The following ARMC10 variants were observed in gnomAD, a reference collection of about 807,000 sequenced individuals.
ARMC10 encodes the protein armadillo repeat-containing protein 10.
A neutral mutation model predicts 30.2 loss-of-function variants in ARMC10; 23 were observed. The observed-to-expected ratio is 0.76, with a 90% CI of 0.55 to 1.08. ARMC10 has a LOEUF of 1.08. Ranked by LOEUF, ARMC10 falls within the 50% of genes least tolerant of loss-of-function variation. The probability of loss-of-function intolerance (pLI) is 0.00; values close to 1 mark genes in which losing one functional copy is unlikely to be tolerated. For synonymous variants in ARMC10, 111 were observed against 164.4 expected, an observed-to-expected ratio of 0.68 and a Z score of 2.48; for missense variants, 303 against 413.7, an observed-to-expected ratio of 0.73 and a Z score of 2.32.
At chr7:103,092,714 C>A (rs770760530) in intron 5 of ARMC10, 61 bp downstream of exon 5, 4 of 1,269,038 alleles carry the variant, frequency 3.2e-6, no homozygotes, top group Non-Finnish European at 4.3e-6. Flanking sequence ...GGCCACCTAT[C>A]TTAAGTTGAT....
intron 4 of ARMC10, chr7:103,087,061 A>G: frequency 4.3e-6 from 2 of 466,362 alleles, no homozygotes; most frequent in Non-Finnish European, 6.5e-6. Flanking sequence ...CAAATAGTGA[A>G]TATAGTTGGC....
chr7:103,075,265 G>A lies in ARMC10; in HGVS notation c.-8G>A. On this transcript the variant is annotated 5_prime_UTR_variant, in exon 1 of 7. Transcript: ENST00000323716. ...GGCCCGGCGCTGCGGCTCTGCCGCG[G>A]CGGCAGCATGGGTGGCCCCCGGGGC... 8.3e-7 allele frequency: 1 copy of A among 1,198,608 alleles called. No individual in the cohort carries two copies. Among genetic ancestry groups the A allele is most frequent in the Non-Finnish European group, 1.0e-6 (1 of 966,414 alleles). 74.2% of individuals were successfully genotyped at this position (1,198,608 alleles called of 1,614,324 possible).
At chr7:103,090,817 G>A (rs1320805760) in intron 4 of ARMC10, among the ~76,000 whole-genome samples, 2 of 152,036 alleles carry the variant, frequency 1.3e-5, no homozygotes, top group Non-Finnish European at 2.9e-5. Flanking sequence ...GGGAATTTGA[G>A]GCTGCAGTGA....
rs1799709620 is a variant in ARMC10, at chr7:103,075,786, A to C, written c.149A>C (p.Glu50Ala). Reference sequence around the variant, plus strand: ...CAATCTCTGCTTGCAGGTGCCCTGGAAGAAGGGACGTCAGAGGGTCAGTTG... The same window carrying C: ...CAATCTCTGCTTGCAGGTGCCCTGGCAGAAGGGACGTCAGAGGGTCAGTTG... ...IRSSKSAGAL[E>A]EGTSEGQLCG... The change falls in exon 2 of 7, where the codon GAA (glutamate) becomes GCA (alanine). Residue 50 changes from glutamate to alanine, a missense_variant. Glu to Ala is a moderately radical substitution (Grantham distance 107). Transcript: ENST00000323716. The C allele has an allele frequency of 1.2e-6, 2 of 1,608,336 alleles. No individual in the cohort carries two copies. The highest frequency in any genetic ancestry group is 4.5e-5 in the East Asian group (2 of 44,564).
intron 4 of ARMC10, among the ~76,000 whole-genome samples, chr7:103,088,502 C>T (rs1278565808): frequency 6.6e-6 from 1 of 152,054 alleles, no homozygotes; most frequent in Middle Eastern, 3.2e-3. Context: ...ATATTGCCAG[C>T]CATAAAATAA....
intron 1 of ARMC10, among the ~76,000 whole-genome samples, 177 bp downstream of exon 1, chr7:103,075,588 G>C (rs755533393): frequency 2.6e-5 from 4 of 152,250 alleles, no homozygotes; most frequent in Non-Finnish European, 5.9e-5. Flanking sequence ...TGACTATACT[G>C]GTATGAAAAC....
At chr7:103,095,836 A>C (rs1801711065) in intron 5 of ARMC10, 1 of 152,110 alleles carries the variant, frequency 6.6e-6, no homozygotes, top group African/African-American at 2.4e-5. Flanking sequence ...TCGCAAGAAC[A>C]AAAAACCAAA....
chr7:103,085,344 A>G (rs1332654436), intron 3 of ARMC10, among the ~76,000 whole-genome samples: 1 of 151,766 alleles, frequency 6.6e-6, no homozygotes, highest in Non-Finnish European at 1.5e-5. Context: ...TTCTCTTTTA[A>G]TGCTAAGATC....
intron 2 of ARMC10, among the ~76,000 whole-genome samples, chr7:103,077,337 C>T (rs745802202): frequency 2.0e-5 from 3 of 151,648 alleles, no homozygotes; most frequent in Admixed American, 6.6e-5. Flanking sequence ...TGTATTAGTC[C>T]ATTTTCTGTT....
chr7:103,075,424 G>A lies in ARMC10; in HGVS notation c.139+13G>A, dbSNP rs1180744312. On this transcript the variant is annotated intron_variant, in intron 1 of 6. Transcript: ENST00000323716. ...TCGAAGTCCGCAGGTGGGACCCCGG[G>A]GTTTCCGGCAGGTGGGCGGGGACTG... 3.9e-6 allele frequency: 5 copies of A among 1,289,946 alleles called. No homozygotes were observed. The highest frequency in any genetic ancestry group is 4.9e-6 in the Non-Finnish European group (5 of 1,016,370). The allele number at this position is 1,289,946 out of a possible 1,614,324, so 79.9% of individuals were successfully genotyped here. A position where few individuals can be genotyped will look rare whatever the true frequency, so the allele number is the denominator to read the frequency against.
chr7:103,096,702 C>G (rs1479718862), intron 5 of ARMC10: 2 of 153,268 alleles, frequency 1.3e-5, no homozygotes, highest in Non-Finnish European at 2.9e-5. Flanking sequence ...GATGGGAAGG[C>G]TCAAGAGATC....
Position 103,086,745 on chromosome 7 carries a change from A to AAAATC in ARMC10, c.517_521dup (p.Ile175SerfsTer3), listed in dbSNP as rs1800895622. 1 of 1,591,512 alleles carries AAAATC rather than the reference A, an allele frequency of 6.3e-7. No homozygotes were observed. Among genetic ancestry groups the AAAATC allele is most frequent in the African/African-American group, 1.4e-5 (1 of 73,298 alleles). On this transcript the variant is annotated frameshift_variant, in exon 4 of 7. Coordinates refer to ENST00000323716, the MANE Select transcript of ARMC10 (RefSeq NM_031905.5). LOFTEE classifies it high-confidence loss of function. ...CTAAATAACCTGAGTGTGAATGTTG[A>AAAATC]AAATCAAATCAAGATAAAGGTAAGT... is the stretch of plus-strand genomic sequence containing the variant.
At position 103,083,695 on chromosome 7, in the gene ARMC10, T is replaced by A. The variant is rs1302339572; in HGVS notation, c.258T>A (p.Asp86Glu). The A allele has an allele frequency of 5.6e-6, 9 of 1,610,726 alleles. No individual in the cohort carries two copies. The highest frequency in any genetic ancestry group is 7.6e-6 in the Non-Finnish European group (9 of 1,178,616). Reference sequence around the variant, plus strand: ...CTTCTTATGCAGAAGACTTAACTGATGGTTCATATGATGATGTTCTAAATG... The same window carrying A: ...CTTCTTATGCAGAAGACTTAACTGAAGGTTCATATGATGATGTTCTAAATG... ...SKTSQPEDLTDGSYDDVLNAE... is the reference protein window; with the variant it reads ...SKTSQPEDLTEGSYDDVLNAE... The change falls in exon 3 of 7, where the codon GAT becomes GAA. Residue 86 changes from aspartate (D) to glutamate (E), a missense_variant. Around this residue, in one of 4 missense-constraint regions of ARMC10, gnomAD observed 170 missense variants for 207.2 expected, o/e 0.82. Coordinates refer to ENST00000323716, the MANE Select transcript of ARMC10 (RefSeq NM_031905.5).
intron 2 of ARMC10, among the ~76,000 whole-genome samples, chr7:103,082,252 C>G (rs1187644455): frequency 6.6e-6 from 1 of 152,156 alleles, no homozygotes. Context: ...TTGGCTTCCT[C>G]AGGGCATCAC....
chr7:103,085,606 C>CTTTTTTTTT (rs10581217), intron 3 of ARMC10, among the ~76,000 whole-genome samples: 3 of 130,582 alleles, frequency 2.3e-5, no homozygotes, highest in African/African-American at 8.5e-5. Flanking sequence ...CATTTCTCTT[C>CTTTTTTTTT]TTTTTTTTTT....
At chr7:103,082,619 T>A (rs1056012407) in intron 2 of ARMC10, among the ~76,000 whole-genome samples, 2 of 152,148 alleles carry the variant, frequency 1.3e-5, no homozygotes, top group Non-Finnish European at 2.9e-5. Flanking sequence ...GATGAGCTGC[T>A]ATGCCCAGCC....
chr7:103,090,402 C>G (rs771805114), intron 4 of ARMC10, among the ~76,000 whole-genome samples: 1 of 152,210 alleles, frequency 6.6e-6, no homozygotes, highest in Non-Finnish European at 1.5e-5. Flanking sequence ...TGGCTCACAC[C>G]TGTAATCCCA....
rs143050451 is a variant in ARMC10 at position 103,075,881 on chromosome 7, G to C, written c.244G>C (p.Glu82Gln). 1.6e-5 allele frequency: 25 copies of C among 1,590,886 alleles called. No individual in the cohort carries two copies. The highest frequency in any genetic ancestry group is 1.9e-5 in the Non-Finnish European group (22 of 1,167,638). ...ESQWSKTSQP[E>Q]DLTDGSYDDV... ...ACAGTGGTCCAAGACCTCGCAGCCTGGTGTGTGTTTTGGAAATGGGAACAG... is the reference window on the plus strand; with the variant it reads ...ACAGTGGTCCAAGACCTCGCAGCCTCGTGTGTGTTTTGGAAATGGGAACAG... Residue 82 changes from glutamate (E) to glutamine (Q), a missense_variant and splice_region_variant, in exon 2 of 7, where the codon GAA becomes CAA. Transcript: ENST00000323716.
At chr7:103,088,776 C>T (rs980653292) in intron 4 of ARMC10, 5 of 183,040 alleles carry the variant, frequency 2.7e-5, no homozygotes, top group African/African-American at 1.2e-4. Flanking sequence ...TTCAGCCAAC[C>T]AATTTCCATT....
Sources: gnomAD v4.1 joint callset for allele counts (sites outside exome capture counted in the v4.1 genomes callset) on GRCh38, gnomAD v4.1.1 for gene constraint, gnomAD v4.1.1 regional missense constraint, MANE v1.5 for transcripts, NCBI Gene and HGNC (gene_info 2026-07-23, HGNC 2026-07-21) for gene names.